KRR1: variants seen among roughly 807,000 people sequenced by gnomAD.
KRR1 encodes KRR1 small subunit processome component homolog.
KRR1 carries 23 observed loss-of-function variants against 50.0 expected under a neutral mutation model. That is an observed-to-expected ratio of 0.46 (90% CI 0.33 to 0.65). KRR1 has a LOEUF of 0.65. Among genes scored for constraint, KRR1 ranks in the 30% least tolerant of loss-of-function variants. The probability of loss-of-function intolerance (pLI) is 0.02; values close to 1 mark genes in which losing one functional copy is unlikely to be tolerated. For missense variants in KRR1, 419 were observed against 442.4 expected (o/e 0.95, Z 0.47); for synonymous variants, 133 against 146.3 (o/e 0.91, Z 0.66).
Position 75,498,586 on chromosome 12 carries a change from G to A in KRR1, c.*1223C>T. On this transcript the variant is annotated 3_prime_UTR_variant, in exon 10 of 10. Coordinates refer to ENST00000229214, the MANE Select transcript of KRR1 (RefSeq NM_007043.7). The stretch of plus-strand genomic sequence containing the variant: ...AAACTTGGAAAGTCACTGCAATAAA[G>A]CCAAAGCAAGTTAATGGTCATAATT... 2.4e-6 allele frequency: 2 copies of A among 845,888 alleles called. No individual in the cohort carries two copies. The highest frequency in any genetic ancestry group is 3.8e-6 in the Non-Finnish European group (2 of 521,934). The allele number at this position is 845,888 out of a possible 1,614,324, so 52.4% of individuals were successfully genotyped here. A position where few individuals can be genotyped will look rare whatever the true frequency, so the allele number is the denominator to read the frequency against.
chr12:75,496,967 A>T lies in KRR1; in HGVS notation c.*2842T>A, dbSNP rs2046355508. 2 of 152,232 alleles carry T rather than the reference A, an allele frequency of 1.3e-5. No individual in the cohort carries two copies. Among genetic ancestry groups the T allele is most frequent in the South Asian group, 4.1e-4 (2 of 4,834 alleles). 9.4% of individuals were successfully genotyped at this position (152,232 alleles called of 1,614,324 possible). ...TTGTGAAGAAAAGTAACATGTAGCC[A>T]CAATGCAGATAATATCAAGGTATCA... On this transcript the variant is annotated 3_prime_UTR_variant, in exon 10 of 10. Transcript: ENST00000229214.
rs988026769 is a variant in KRR1, at chr12:75,491,906, C to G, written c.*7903G>C. The G allele has an allele frequency of 1.3e-5, 2 of 151,834 alleles. No homozygotes were observed. Among genetic ancestry groups the G allele is most frequent in the Admixed American group, 1.3e-4 (2 of 15,228 alleles). 9.4% of individuals were successfully genotyped at this position (151,834 alleles called of 1,614,324 possible). A position where few individuals can be genotyped will look rare whatever the true frequency, so the allele number is the denominator to read the frequency against. ...AGATTGGCTGAAAGAAAGCCATTTCCCTGGTGTAATGTGCAGAAGACATGC... is the reference window on the plus strand; with the variant it reads ...AGATTGGCTGAAAGAAAGCCATTTCGCTGGTGTAATGTGCAGAAGACATGC... On this transcript the variant is annotated 3_prime_UTR_variant, in exon 10 of 10. Transcript: ENST00000229214.
At chr12:75,501,454 G>C (rs1438467689) in intron 9 of KRR1, 7 of 335,068 alleles carry the variant, frequency 2.1e-5, no homozygotes, top group Non-Finnish European at 3.8e-5. Flanking sequence ...GGCTGCCCTG[G>C]GTTTGTATCT....
intron 1 of KRR1, among the ~76,000 whole-genome samples, chr12:75,511,008 G>C (rs1022911509): frequency 6.6e-6 from 1 of 152,138 alleles, no homozygotes; most frequent in African/African-American, 2.4e-5. Context: ...GGGCTGTGTC[G>C]TCTAATATTT....
At chr12:75,509,775 T>C (rs1306085757) in intron 1 of KRR1, among the ~76,000 whole-genome samples, 2 of 150,736 alleles carry the variant, frequency 1.3e-5, no homozygotes, top group East Asian at 3.9e-4. Flanking sequence ...TTTTTTTTTT[T>C]GTAGCGAAAG....
chr12:75,506,165 TGAATTATA>T, intron 5 of KRR1, 143 bp downstream of exon 5: 1 of 562,036 alleles, frequency 1.8e-6, no homozygotes, highest in Non-Finnish European at 3.0e-6. Flanking sequence ...ATGATTCCCT[TGAATTATA>T]TGACATAAAA....
At position 75,500,933 on chromosome 12, in the gene KRR1, T is replaced by C. The variant is rs902824170; in HGVS notation, c.1003+790A>G. On this transcript the variant is annotated intron_variant, in intron 9 of 9. Coordinates refer to ENST00000229214, the MANE Select transcript of KRR1 (RefSeq NM_007043.7). Reference sequence around the variant, plus strand: ...ATACTTATGACATTTCTACCTTTTATATAACCAATAATCTACCATAGAATG... The same window carrying C: ...ATACTTATGACATTTCTACCTTTTACATAACCAATAATCTACCATAGAATG... The C allele has an allele frequency of 3.9e-5, 6 of 152,220 alleles. No homozygotes were observed. In the South Asian group the frequency reaches 1.2e-3, roughly 32 times the overall value. 9.4% of individuals were successfully genotyped at this position (152,220 alleles called of 1,614,324 possible).
In KRR1 at chr12:75,496,881, C is replaced by G. The variant is rs1192297662; in HGVS notation, c.*2928G>C. 1 of 152,138 alleles carries G rather than the reference C, an allele frequency of 6.6e-6. No homozygotes were observed. The highest frequency in any genetic ancestry group is 1.5e-5 in the Non-Finnish European group (1 of 68,024). The allele number at this position is 152,138 out of a possible 1,614,324, so 9.4% of individuals were successfully genotyped here. ...ATCTTTACATACAGTCGTACTTTTG[C>G]AAAGTTTTCTGAGCCATTTTTCTCC... On this transcript the variant is annotated 3_prime_UTR_variant, in exon 10 of 10. Transcript: ENST00000229214.
rs2046373801 is a variant in KRR1, at chr12:75,499,324, TG to T, written c.*484del. 1.8e-5 allele frequency: 3 copies of T among 170,932 alleles called. No individual in the cohort carries two copies. In the Admixed American group the frequency reaches 1.9e-4, roughly 11 times the overall value. 10.6% of individuals were successfully genotyped at this position (170,932 alleles called of 1,614,324 possible). A position where few individuals can be genotyped will look rare whatever the true frequency, so the allele number is the denominator to read the frequency against. On this transcript the variant is annotated 3_prime_UTR_variant, in exon 10 of 10. Transcript: ENST00000229214. The stretch of plus-strand genomic sequence containing the variant: ...ATTAGTTAAAAACATTATTATTTTT[TG>T]CATGCTGCTTCGACTCTAAATATCT...
intron 9 of KRR1, chr12:75,501,001 A>C (rs1688889114): frequency 6.6e-6 from 1 of 152,080 alleles, no homozygotes. Flanking sequence ...TTAAAATAAT[A>C]ATGTATTATA....
At position 75,504,328 on chromosome 12, in the gene KRR1, T is replaced by C. The variant is rs563671332; in HGVS notation, c.661-254A>G. Reference sequence around the variant, plus strand: ...AAAAATAAAACTGAATTTTCAACCATTATTTCATTAAAACATTTAAAATGC... The same window carrying C: ...AAAAATAAAACTGAATTTTCAACCACTATTTCATTAAAACATTTAAAATGC... On this transcript the variant is annotated intron_variant, in intron 6 of 9. Coordinates refer to ENST00000229214, the MANE Select transcript of KRR1 (RefSeq NM_007043.7). The C allele has an allele frequency of 2.5e-4, 62 of 250,516 alleles. 1 individual carries two copies. The highest frequency in any genetic ancestry group is 2.0e-3 in the South Asian group (16 of 7,930). The allele number at this position is 250,516 out of a possible 1,614,324, so 15.5% of individuals were successfully genotyped here. A position where few individuals can be genotyped will look rare whatever the true frequency, so the allele number is the denominator to read the frequency against.
chr12:75,495,703 G>A lies in KRR1; in HGVS notation c.*4106C>T, dbSNP rs150875077. 6.4e-5 allele frequency: 69 copies of A among 1,072,676 alleles called. No homozygotes were observed. The highest frequency in any genetic ancestry group is 8.7e-5 in the Non-Finnish European group (61 of 698,836). 66.4% of individuals were successfully genotyped at this position (1,072,676 alleles called of 1,614,324 possible). A position where few individuals can be genotyped will look rare whatever the true frequency, so the allele number is the denominator to read the frequency against. On this transcript the variant is annotated 3_prime_UTR_variant, in exon 10 of 10. Coordinates refer to ENST00000229214, the MANE Select transcript of KRR1 (RefSeq NM_007043.7). ...AATACACCAATAGAATAACATAATAGTAACATGTAACTTTCTACAGAATTA... is the reference window on the plus strand; with the variant it reads ...AATACACCAATAGAATAACATAATAATAACATGTAACTTTCTACAGAATTA...
At chr12:75,506,176 A>T (rs2046420667) in intron 5 of KRR1, 140 bp downstream of exon 5, 2 of 587,690 alleles carry the variant, frequency 3.4e-6, no homozygotes, top group Non-Finnish European at 5.7e-6. Context: ...GAATTATATG[A>T]CATAAAAAGT....
At position 75,499,880 on chromosome 12, in the gene KRR1, C is replaced by G. The variant is rs2046379436; in HGVS notation, c.1075G>C (p.Gly359Arg). Residue 359 changes from glycine (G) to arginine (R), a missense_variant, in exon 10 of 10, where the codon GGA becomes CGA. Coordinates refer to ENST00000229214, the MANE Select transcript of KRR1 (RefSeq NM_007043.7). ...GCAATTTCTTCAGCTGTAAGAGCTCCCAGTTTCTTATTCTTTGCTTTCTTA... is the reference window on the plus strand; with the variant it reads ...GCAATTTCTTCAGCTGTAAGAGCTCGCAGTTTCTTATTCTTTGCTTTCTTA... ...KVKKAKNKKL[G>R]ALTAEEIALK... The G allele has an allele frequency of 6.2e-7, 1 of 1,608,972 alleles. No individual in the cohort carries two copies. The highest frequency in any genetic ancestry group is 1.3e-5 in the African/African-American group (1 of 74,572).
rs370713345 is a variant in KRR1 at position 75,495,997 on chromosome 12, G to GTTTTTTTTTTTTTTTT, written c.*3811_*3812insAAAAAAAAAAAAAAAA. The stretch of plus-strand genomic sequence containing the variant: ...TCCAAACAAACAGAATTCTGTTTTC[G>GTTTTTTTTTTTTTTTT]TTTTTTTTTTTGTTTTTTTTTTTTG... On this transcript the variant is annotated 3_prime_UTR_variant, in exon 10 of 10. Coordinates refer to ENST00000229214, the MANE Select transcript of KRR1 (RefSeq NM_007043.7). 7.6e-6 allele frequency: 1 copy of GTTTTTTTTTTTTTTTT among 132,124 alleles called. No individual in the cohort carries two copies. The highest frequency in any genetic ancestry group is 1.6e-5 in the Non-Finnish European group (1 of 64,254). The allele number at this position is 132,124 out of a possible 1,614,324, so 8.2% of individuals were successfully genotyped here. A position where few individuals can be genotyped will look rare whatever the true frequency, so the allele number is the denominator to read the frequency against.
Position 75,508,372 on chromosome 12 carries a change from G to A in KRR1, c.160C>T (p.Leu54Phe). 6.2e-7 allele frequency: 1 copy of A among 1,613,454 alleles called. No individual in the cohort carries two copies. Among genetic ancestry groups the A allele is most frequent in the Non-Finnish European group, 8.5e-7 (1 of 1,179,620 alleles). The part of the protein sequence containing the change: ...AFSKEDNPRG[L>F]LEESSFATLF... Reference sequence around the variant, plus strand: ...GTTGCGAAACTGCTCTCCTCCAAAAGTCCTCTGGGATTGTCCTCTTTGGAA... The same window carrying A: ...GTTGCGAAACTGCTCTCCTCCAAAAATCCTCTGGGATTGTCCTCTTTGGAA... Residue 54 changes from leucine to phenylalanine, a missense_variant, in exon 2 of 10, where the codon CTT (leucine) becomes TTT (phenylalanine). Transcript: ENST00000229214.
At position 75,498,989 on chromosome 12, in the gene KRR1, G is replaced by T; in HGVS notation, c.*820C>A. The T allele has an allele frequency of 3.9e-6, 6 of 1,524,962 alleles. No homozygotes were observed. Among genetic ancestry groups the T allele is most frequent in the Non-Finnish European group, 5.3e-6 (6 of 1,141,066 alleles). 94.5% of individuals were successfully genotyped at this position (1,524,962 alleles called of 1,614,324 possible). ...GTTCTTTTGGACTAATACAATTCAG[G>T]AAAGAAAAAACCCAAAAACCAACCT... On this transcript the variant is annotated 3_prime_UTR_variant, in exon 10 of 10. Transcript: ENST00000229214.
At chr12:75,507,554 C>CA (rs371486142) in intron 2 of KRR1, among the ~76,000 whole-genome samples, 30 of 148,530 alleles carry the variant, frequency 2.0e-4, no homozygotes, top group African/African-American at 4.7e-4. Context: ...TATGAGTTTA[C>CA]AAAAAAAAAA....
intron 9 of KRR1, chr12:75,501,079 A>T (rs1450381828): frequency 1.3e-5 from 2 of 152,116 alleles, no homozygotes; most frequent in Non-Finnish European, 2.9e-5. Context: ...GTCACTGTTC[A>T]CTTTGGAGGG....
Sources: allele counts gnomAD v4.1 joint callset (sites outside exome capture counted in the v4.1 genomes callset), GRCh38; gene constraint gnomAD v4.1.1; transcripts MANE v1.5; gene names NCBI Gene and HGNC (gene_info 2026-07-23, HGNC 2026-07-21).